The following THSD7B variants were observed in gnomAD, a reference collection of about 807,000 sequenced individuals.
THSD7B encodes the protein thrombospondin type 1 domain containing 7B, also known as thrombospondin type-1 domain-containing protein 7B.
THSD7B carries 138 observed loss-of-function variants against 213.6 expected under a neutral mutation model. That is an observed-to-expected ratio of 0.65 (90% CI 0.56 to 0.74). THSD7B has a LOEUF of 0.74. Among genes scored for constraint, THSD7B ranks in the 30% least tolerant of loss-of-function variants. The pLI is 0.00. For synonymous variants in THSD7B, 742 were observed against 687.0 expected (o/e 1.08, Z -1.25); for missense variants, 1,931 against 1,991.5 (o/e 0.97, Z 0.58).
intron 12 of THSD7B, among the ~76,000 whole-genome samples, chr2:137,296,486 A>G (rs1683466301): frequency 6.6e-6 from 1 of 152,172 alleles, no homozygotes; most frequent in Non-Finnish European, 1.5e-5. Context: ...GTAATTATCT[A>G]TCATGAATGC....
At chr2:136,812,055 C>T (rs1380973562) in intron 1 of THSD7B, among the ~76,000 whole-genome samples, 3 of 152,200 alleles carry the variant, frequency 2.0e-5, no homozygotes, top group Non-Finnish European at 4.4e-5. Context: ...GTGCAATAGA[C>T]AGCAAATTAC....
At chr2:136,872,389 G>GT (rs1683443267) in intron 1 of THSD7B, among the ~76,000 whole-genome samples, 1 of 106,308 alleles carries the variant, frequency 9.4e-6, no homozygotes, top group Non-Finnish European at 1.8e-5. Flanking sequence ...TTTCGGGGGG[G>GT]TGGGGGGGAC....
intron 27 of THSD7B, among the ~76,000 whole-genome samples, chr2:137,669,279 C>T (rs1683514175): frequency 6.6e-6 from 1 of 152,106 alleles, no homozygotes; most frequent in Admixed American, 6.6e-5. Context: ...TGCTCTTGGT[C>T]AGTGAAAGTT....
chr2:136,929,483 C>A (rs944528589), intron 2 of THSD7B, among the ~76,000 whole-genome samples: 1 of 152,056 alleles, frequency 6.6e-6, no homozygotes, highest in Non-Finnish European at 1.5e-5. Flanking sequence ...TGTATGTCAT[C>A]TTAGTAGGTT....
intron 20 of THSD7B, among the ~76,000 whole-genome samples, chr2:137,641,572 C>A (rs1402054696): frequency 6.6e-6 from 1 of 152,050 alleles, no homozygotes; most frequent in Non-Finnish European, 1.5e-5. Flanking sequence ...TCAGAAAGAA[C>A]AAGAGTAGGA....
intron 10 of THSD7B, among the ~76,000 whole-genome samples, chr2:137,267,472 CAGA>C (rs1420175202): frequency 1.3e-5 from 2 of 152,050 alleles, no homozygotes; most frequent in Non-Finnish European, 2.9e-5. Context: ...TTTAAAATAA[CAGA>C]AGGACAGTGA....
At chr2:136,982,929 T>C (rs1685606858) in intron 2 of THSD7B, among the ~76,000 whole-genome samples, 1 of 152,176 alleles carries the variant, frequency 6.6e-6, no homozygotes, top group Admixed American at 6.5e-5. Context: ...CCTTCAAGAA[T>C]GATAGGGTCA....
chr2:137,505,383 C>T (rs984316921), intron 15 of THSD7B, among the ~76,000 whole-genome samples: 3 of 152,128 alleles, frequency 2.0e-5, no homozygotes, highest in Admixed American at 2.0e-4. Context: ...TGGCACTGGC[C>T]CCTGGACCAC....
chr2:137,545,883 A>G (rs1680697302), intron 15 of THSD7B, among the ~76,000 whole-genome samples: 1 of 151,818 alleles, frequency 6.6e-6, no homozygotes, highest in Admixed American at 6.6e-5. Flanking sequence ...GTCTGCCTGT[A>G]GTTATGCATG....
intron 9 of THSD7B, 80 bp downstream of exon 9, chr2:137,233,213 T>C: frequency 7.6e-7 from 1 of 1,322,274 alleles, no homozygotes; most frequent in Non-Finnish European, 1.0e-6. Flanking sequence ...TATCAAGCAA[T>C]AGATATTTCT....
At chr2:137,075,614 T>C (rs1310845443) in intron 3 of THSD7B, among the ~76,000 whole-genome samples, 1 of 152,226 alleles carries the variant, frequency 6.6e-6, no homozygotes, top group Admixed American at 6.5e-5. Flanking sequence ...TCCAGCTTTG[T>C]TCTGTTGGTG....
In THSD7B at chr2:137,435,151, A is replaced by G. The variant is rs531322730; in HGVS notation, c.2960-15694A>G. 2.6e-5 allele frequency among the ~76,000 whole-genome samples: 4 copies of G among 152,284 alleles called. No homozygotes were observed. In the East Asian group the frequency reaches 7.7e-4, roughly 29 times the overall value. ...ACATTCTGGATTTCTCATTAGTTAT[A>G]TTCCTTTCCACTAATATCATTCCAT... is the stretch of plus-strand genomic sequence containing the variant. On this transcript the variant is annotated intron_variant, in intron 14 of 27. Transcript: ENST00000409968.
intron 2 of THSD7B, among the ~76,000 whole-genome samples, chr2:136,961,498 G>A (rs915858925): frequency 4.6e-5 from 7 of 152,060 alleles, no homozygotes; most frequent in Admixed American, 1.3e-4. Context: ...GGGATTACAG[G>A]CATGAGACAA....
intron 9 of THSD7B, among the ~76,000 whole-genome samples, chr2:137,240,476 T>C (rs1681875532): frequency 6.6e-6 from 1 of 152,008 alleles, no homozygotes; most frequent in Non-Finnish European, 1.5e-5. Flanking sequence ...CCTCCCTCTC[T>C]CCCTCCTTCC....
At chr2:136,931,979 G>A (rs929166883) in intron 2 of THSD7B, among the ~76,000 whole-genome samples, 12 of 152,128 alleles carry the variant, frequency 7.9e-5, no homozygotes. Context: ...CAGATTTACT[G>A]GACCTAACAT....
At chr2:136,898,448 AG>A (rs1407786118) in intron 2 of THSD7B, among the ~76,000 whole-genome samples, 14 of 152,098 alleles carry the variant, frequency 9.2e-5, no homozygotes, top group Non-Finnish European at 1.8e-4. Context: ...CTGGGATTAC[AG>A]GCATGAGCCA....
chr2:136,795,223 T>C (rs1197539425), intron 1 of THSD7B, among the ~76,000 whole-genome samples: 3 of 151,914 alleles, frequency 2.0e-5, no homozygotes, highest in Non-Finnish European at 4.4e-5. Flanking sequence ...AGGGCTGTAT[T>C]TCTTTTGGAG....
chr2:136,915,313 C>T (rs1332808602), intron 2 of THSD7B, among the ~76,000 whole-genome samples: 1 of 152,140 alleles, frequency 6.6e-6, no homozygotes, highest in Non-Finnish European at 1.5e-5. Context: ...GTACTCAGTC[C>T]AGAGATGGAG....
intron 1 of THSD7B, among the ~76,000 whole-genome samples, chr2:136,854,979 C>T (rs1292090161): frequency 6.6e-6 from 1 of 152,256 alleles, no homozygotes; most frequent in East Asian, 1.9e-4. Context: ...TTCCCAGGCA[C>T]TGGCTTCAAA....
Sources: gnomAD v4.1 joint callset for allele counts (sites outside exome capture counted in the v4.1 genomes callset) on GRCh38, gnomAD v4.1.1 for gene constraint, MANE v1.5 for transcripts, NCBI Gene and HGNC (gene_info 2026-07-23, HGNC 2026-07-21) for gene names.